Variants in CAST observed in about 807,000 individuals in gnomAD.
CAST encodes the protein calpastatin.
CAST carries 76 observed loss-of-function variants against 119.6 expected under a neutral mutation model. That is an observed-to-expected ratio of 0.64 (90% CI 0.53 to 0.77). The LOEUF (loss-of-function observed/expected upper bound fraction) is 0.77. Ranked by LOEUF, CAST falls within the 30% of genes least tolerant of loss-of-function variation. The pLI is 0.00. For missense variants in CAST, 953 were observed against 946.5 expected (o/e 1.01, Z -0.09); for synonymous variants, 319 against 331.6 (o/e 0.96, Z 0.41).
chr5:96,652,275 A>G (rs536093265), intron 1 of CAST, among the ~76,000 whole-genome samples: 102 of 152,358 alleles, frequency 6.7e-4, no homozygotes, highest in Middle Eastern at 6.8e-3. Context: ...TTTGTTTGAT[A>G]ATTACAAATG....
the CAST span, among the ~76,000 whole-genome samples, chr5:96,436,680 CAAGTATGACA>C: frequency 1.3e-5 from 2 of 151,930 alleles, no homozygotes; most frequent in African/African-American, 4.8e-5. Flanking sequence ...TTTTACAGGT[CAAGTATGACA>C]AAATAATATT....
chr5:96,369,952 G>A, the CAST span, among the ~76,000 whole-genome samples: 1 of 151,934 alleles, frequency 6.6e-6, no homozygotes, highest in African/African-American at 2.4e-5. Flanking sequence ...CATAGTAGCT[G>A]CTCAATAAAA....
chr5:96,341,082 A>G, the CAST span, among the ~76,000 whole-genome samples: 28 of 152,212 alleles, frequency 1.8e-4, no homozygotes, highest in Admixed American at 1.8e-3. Context: ...ATTTTCTTAA[A>G]TCCAAATGCC....
At chr5:96,080,314 C>T in the CAST span, among the ~76,000 whole-genome samples, 1 of 152,292 alleles carries the variant, frequency 6.6e-6, no homozygotes, top group Non-Finnish European at 1.5e-5. Context: ...ACAGGACTTT[C>T]TCTTTTAAAA....
the CAST span, among the ~76,000 whole-genome samples, chr5:96,398,478 G>T: frequency 6.6e-6 from 1 of 152,032 alleles, no homozygotes; most frequent in Middle Eastern, 3.2e-3. Flanking sequence ...TCCTCTAATC[G>T]ATCTGAATTC....
At chr5:96,567,334 C>G (rs1024916692) in intron 1 of CAST, among the ~76,000 whole-genome samples, 7 of 152,184 alleles carry the variant, frequency 4.6e-5, no homozygotes, top group Non-Finnish European at 8.8e-5. Flanking sequence ...CGCCCAACAG[C>G]TTCGCCTCAG....
chr5:96,400,753 A>T, the CAST span, among the ~76,000 whole-genome samples: 1 of 152,206 alleles, frequency 6.6e-6, no homozygotes, highest in Non-Finnish European at 1.5e-5. Context: ...CTATGCTAAT[A>T]CCATGGGGAT....
At chr5:96,339,263 C>G in the CAST span, among the ~76,000 whole-genome samples, 1 of 151,996 alleles carries the variant, frequency 6.6e-6, no homozygotes, top group Non-Finnish European at 1.5e-5. Flanking sequence ...CATACGACCC[C>G]AAGAAACTTA....
chr5:96,109,423 A>C, the CAST span, among the ~76,000 whole-genome samples: 2 of 152,228 alleles, frequency 1.3e-5, no homozygotes, highest in African/African-American at 4.8e-5. Context: ...AAGCCATTAC[A>C]ATTTTTTCTT....
chr5:96,448,549 A>G, the CAST span, among the ~76,000 whole-genome samples: 120 of 152,296 alleles, frequency 7.9e-4, no homozygotes, highest in South Asian at 0.012. Context: ...TCTTTGAACT[A>G]TAATGTTTCT....
chr5:96,671,061 G>T (rs1580904237), intron 1 of CAST, among the ~76,000 whole-genome samples: 1 of 152,334 alleles, frequency 6.6e-6, no homozygotes, highest in South Asian at 2.1e-4. Context: ...AACGACAGTT[G>T]TAGTTGCCAA....
intron 22 of CAST, 39 bp downstream of exon 22, chr5:96,754,780 C>A: frequency 8.8e-7 from 1 of 1,137,590 alleles, no homozygotes; most frequent in Non-Finnish European, 1.3e-6. Flanking sequence ...TATTTTAATT[C>A]ATACTGAATT....
At chr5:96,719,736 C>A (rs895828972) in intron 3 of CAST, among the ~76,000 whole-genome samples, 2 of 152,092 alleles carry the variant, frequency 1.3e-5, no homozygotes, top group Admixed American at 6.5e-5. Context: ...AAATTGGCAG[C>A]CCGTTGATGT....
upstream of CAST, among the ~76,000 whole-genome samples, chr5:96,520,428 G>T (rs1289110844): frequency 6.6e-6 from 1 of 152,212 alleles, no homozygotes; most frequent in Non-Finnish European, 1.5e-5. Flanking sequence ...ATGCCCCACA[G>T]GGGCCTCAAC....
intron 1 of CAST, among the ~76,000 whole-genome samples, chr5:96,588,562 T>A (rs1235323351): frequency 2.6e-5 from 4 of 152,202 alleles, no homozygotes; most frequent in African/African-American, 9.7e-5. Context: ...ATAACTATAG[T>A]GGTCTAATTC....
the CAST span, among the ~76,000 whole-genome samples, chr5:96,257,173 G>C: frequency 2.6e-5 from 4 of 152,184 alleles, no homozygotes; most frequent in Non-Finnish European, 5.9e-5. Context: ...ATGAAGAAGA[G>C]AGTTCTGGGG....
At chr5:96,607,802 CT>C (rs1747288521) in intron 1 of CAST, among the ~76,000 whole-genome samples, 1 of 151,972 alleles carries the variant, frequency 6.6e-6, no homozygotes, top group South Asian at 2.1e-4. Flanking sequence ...ATAGGTGGGC[CT>C]TTTTTTCTTT....
At chr5:96,659,629 G>A (rs888671967), upstream of CAST, among the ~76,000 whole-genome samples, 2 of 152,086 alleles carry the variant, frequency 1.3e-5, no homozygotes, top group African/African-American at 4.8e-5. Flanking sequence ...CCCTTGTTCA[G>A]GCGATTCTTG....
the CAST span, among the ~76,000 whole-genome samples, chr5:95,978,129 G>T: frequency 2.0e-5 from 3 of 152,106 alleles, no homozygotes; most frequent in African/African-American, 7.2e-5. Context: ...GTGTCTCTAT[G>T]ATAGAATGAT....
Sources: gnomAD v4.1 joint callset for allele counts (sites outside exome capture counted in the v4.1 genomes callset) on GRCh38, gnomAD v4.1.1 for gene constraint, MANE v1.5 for transcripts, NCBI Gene and HGNC (gene_info 2026-07-23, HGNC 2026-07-21) for gene names.